CKAP2L: variants seen among roughly 807,000 people sequenced by gnomAD.
CKAP2L encodes cytoskeleton-associated protein 2-like.
A neutral mutation model predicts 65.7 loss-of-function variants in CKAP2L; 42 were observed. The observed-to-expected ratio is 0.64, with a 90% CI of 0.50 to 0.83. The LOEUF is 0.83. Among genes scored for constraint, CKAP2L ranks in the 40% least tolerant of loss-of-function variants. The probability of loss-of-function intolerance (pLI) is 0.00; values close to 1 mark genes in which losing one functional copy is unlikely to be tolerated. For synonymous variants in CKAP2L, 325 were observed against 313.5 expected (o/e 1.04, Z -0.39); for missense variants, 908 against 871.0 (o/e 1.04, Z -0.53).
At chr2:112,741,465 T>C (rs1040138644) in intron 7 of CKAP2L, among the ~76,000 whole-genome samples, 2 of 152,180 alleles carry the variant, frequency 1.3e-5, no homozygotes, top group African/African-American at 4.8e-5. Context: ...AAAAACTGTC[T>C]TGCATTAATA....
chr2:112,757,813 A>G (rs535482776), intron 3 of CKAP2L, among the ~76,000 whole-genome samples: 3 of 152,362 alleles, frequency 2.0e-5, no homozygotes, highest in African/African-American at 7.2e-5. Context: ...AATTTGCCTC[A>G]AACAGTAGTT....
rs727502803 is a variant in CKAP2L, at chr2:112,762,528, C to CAA, written c.78_79insTT (p.Gly27LeufsTer4). On this transcript the variant is annotated frameshift_variant, in exon 2 of 9. Transcript: ENST00000302450. LOFTEE classifies it high-confidence loss of function. Reference sequence around the variant, plus strand: ...TTGGTGTTTTGGCTCTTCAGTTTTCCCTTGGCTGCAAGGTACTCCTGAAGC... The same window carrying CAA: ...TTGGTGTTTTGGCTCTTCAGTTTTCCAACTTGGCTGCAAGGTACTCCTGAAGC... The CAA allele has an allele frequency of 3.5e-5, 56 of 1,613,926 alleles. No homozygotes were observed. The highest frequency in any genetic ancestry group is 5.0e-5 in the Admixed American group (3 of 59,998).
At chr2:112,746,787 T>C (rs2104868739) in intron 5 of CKAP2L, among the ~76,000 whole-genome samples, 1 of 152,258 alleles carries the variant, frequency 6.6e-6, no homozygotes, top group East Asian at 1.9e-4. Flanking sequence ...AGATTAATAA[T>C]AATTATTATT....
chr2:112,740,120 A>G (rs911866031), intron 8 of CKAP2L, among the ~76,000 whole-genome samples: 3 of 152,180 alleles, frequency 2.0e-5, no homozygotes, highest in African/African-American at 4.8e-5. Flanking sequence ...AACTGTTTTC[A>G]TCTACTTATG....
rs1680755769 is a variant in CKAP2L at position 112,762,519 on chromosome 2, T to A, written c.88A>T (p.Lys30Ter). 3 of 1,613,946 alleles carry A rather than the reference T, an allele frequency of 1.9e-6. No individual in the cohort carries two copies. Among genetic ancestry groups the A allele is most frequent in the Non-Finnish European group, 2.5e-6 (3 of 1,179,886 alleles). ...TAAACTCACTTGGTGTTTTGGCTCTTCAGTTTTCCCTTGGCTGCAAGGTAC... is the reference window on the plus strand; with the variant it reads ...TAAACTCACTTGGTGTTTTGGCTCTACAGTTTTCCCTTGGCTGCAAGGTAC... ...QEYLAAKGKL[K>*]SQNTKPYLKS... Residue 30 changes from lysine to a stop codon, truncating the protein, a stop_gained, in exon 2 of 9, where the codon AAG becomes TAG. Coordinates refer to ENST00000302450, the MANE Select transcript of CKAP2L (RefSeq NM_152515.5). LOFTEE classifies it high-confidence loss of function.
chr2:112,736,757 A>G lies in CKAP2L; in HGVS notation c.*2066T>C, dbSNP rs1024922757. 2 of 152,216 alleles carry G rather than the reference A, an allele frequency of 1.3e-5. No individual in the cohort carries two copies. The highest frequency in any genetic ancestry group is 2.1e-4 in the South Asian group (1 of 4,838). The allele number at this position is 152,216 out of a possible 1,614,324, so 9.4% of individuals were successfully genotyped here. Reference sequence around the variant, plus strand: ...CTCCAGGTCCATCTATGTTGTGGCAAATGGCAAGAACTCCCTCTTTTCCAA... The same window carrying G: ...CTCCAGGTCCATCTATGTTGTGGCAGATGGCAAGAACTCCCTCTTTTCCAA... On this transcript the variant is annotated 3_prime_UTR_variant, in exon 9 of 9. Transcript: ENST00000302450.
At chr2:112,746,313 G>T in intron 6 of CKAP2L, 107 bp downstream of exon 6, 1 of 840,654 alleles carries the variant, frequency 1.2e-6, no homozygotes, top group Non-Finnish European at 1.8e-6. Context: ...CTTTATAAGT[G>T]TTGGATATTG....
chr2:112,753,209 C>T (rs1680430911), intron 4 of CKAP2L, among the ~76,000 whole-genome samples: 1 of 152,136 alleles, frequency 6.6e-6, no homozygotes. Flanking sequence ...CCTGGATCCC[C>T]AAACTTTGTA....
intron 3 of CKAP2L, among the ~76,000 whole-genome samples, chr2:112,758,233 G>A (rs1047229872): frequency 6.6e-6 from 1 of 152,186 alleles, no homozygotes; most frequent in Non-Finnish European, 1.5e-5. Context: ...TGAAAACTAG[G>A]GAAGGGAGTT....
At position 112,756,712 on chromosome 2, in the gene CKAP2L, C is replaced by A; in HGVS notation, c.659G>T (p.Ser220Ile). ...KTDSYNQTKN[S>I]LVPKQALGKS... ...GCCCAAGGCTTGTTTAGGAACTAAA[C>A]TGTTCTTGGTTTGATTATAAGAGTC... The change falls in exon 4 of 9, where the codon AGT becomes ATT. Residue 220 changes from serine (S) to isoleucine (I), a missense_variant. By Grantham distance (142) the Ser-to-Ile change is moderately radical. Transcript: ENST00000302450. The A allele has an allele frequency of 6.3e-7, 1 of 1,593,246 alleles. No homozygotes were observed. Among genetic ancestry groups the A allele is most frequent in the South Asian group, 1.1e-5 (1 of 87,084 alleles).
rs1174931423 is a variant in CKAP2L at position 112,752,222 on chromosome 2, T to C, written c.1602+45A>G. ...TATTTAGGAATATGTTTAAAAATTATAAGACTTTGGGCCAAAGCTGGAGGA... is the reference window on the plus strand; with the variant it reads ...TATTTAGGAATATGTTTAAAAATTACAAGACTTTGGGCCAAAGCTGGAGGA... On this transcript the variant is annotated intron_variant, in intron 5 of 8. Coordinates refer to ENST00000302450, the MANE Select transcript of CKAP2L (RefSeq NM_152515.5). 30 of 1,410,112 alleles carry C rather than the reference T, an allele frequency of 2.1e-5. 1 individual carries two copies. Among genetic ancestry groups the C allele is most frequent in the Middle Eastern group, 1.8e-4 (1 of 5,552 alleles). 87.3% of individuals were successfully genotyped at this position (1,410,112 alleles called of 1,614,324 possible). A position where few individuals can be genotyped will look rare whatever the true frequency, so the allele number is the denominator to read the frequency against.
At chr2:112,741,110 A>G (rs1679919939) in intron 7 of CKAP2L, 103 bp from the exon 8 acceptor site, 1 of 771,922 alleles carries the variant, frequency 1.3e-6, no homozygotes, top group African/African-American at 1.7e-5. Context: ...TTTCCCAGTG[A>G]TCTTCATGGG....
intron 6 of CKAP2L, among the ~76,000 whole-genome samples, chr2:112,744,705 T>C (rs1680145787): frequency 6.6e-6 from 1 of 152,124 alleles, no homozygotes; most frequent in African/African-American, 2.4e-5. Context: ...TTGGAACAGA[T>C]TTCTCCAGAT....
chr2:112,755,119 C>T (rs1341778602), intron 4 of CKAP2L, among the ~76,000 whole-genome samples: 1 of 152,198 alleles, frequency 6.6e-6, no homozygotes, highest in Non-Finnish European at 1.5e-5. Context: ...ATGCTCCCTT[C>T]ACTCGTCAGA....
At chr2:112,746,046 T>G (rs184379283) in intron 6 of CKAP2L, among the ~76,000 whole-genome samples, 1 of 152,222 alleles carries the variant, frequency 6.6e-6, no homozygotes, top group Non-Finnish European at 1.5e-5. Context: ...TTAAACTATG[T>G]GCATGTACAA....
chr2:112,743,970 T>C (rs1299997910), intron 6 of CKAP2L, among the ~76,000 whole-genome samples: 3 of 152,236 alleles, frequency 2.0e-5, no homozygotes. Flanking sequence ...CCTGGAACTC[T>C]GTATCAAATA....
rs1679249344 is a variant in CKAP2L, at chr2:112,736,824, T to A, written c.*1999A>T. 6.6e-6 allele frequency: 1 copy of A among 152,262 alleles called. No individual in the cohort carries two copies. Among genetic ancestry groups the A allele is most frequent in the South Asian group, 2.1e-4 (1 of 4,836 alleles). 9.4% of individuals were successfully genotyped at this position (152,262 alleles called of 1,614,324 possible). ...ACGGCATGCATATGCCGTATTTTCTTTATTTGTCCATTGATGGGCATTTAG... is the reference window on the plus strand; with the variant it reads ...ACGGCATGCATATGCCGTATTTTCTATATTTGTCCATTGATGGGCATTTAG... On this transcript the variant is annotated 3_prime_UTR_variant, in exon 9 of 9. Coordinates refer to ENST00000302450, the MANE Select transcript of CKAP2L (RefSeq NM_152515.5).
Position 112,762,501 on chromosome 2 carries a change from A to G in CKAP2L, c.104+2T>C, listed in dbSNP as rs769452103. On this transcript the variant is annotated splice_donor_variant, in intron 2 of 8. Coordinates refer to ENST00000302450, the MANE Select transcript of CKAP2L (RefSeq NM_152515.5). LOFTEE classifies it high-confidence loss of function. Reference sequence around the variant, plus strand: ...TGCGTAACTGTGGACAGATAAACTCACTTGGTGTTTTGGCTCTTCAGTTTT... The same window carrying G: ...TGCGTAACTGTGGACAGATAAACTCGCTTGGTGTTTTGGCTCTTCAGTTTT... 6.2e-7 allele frequency: 1 copy of G among 1,612,684 alleles called. No homozygotes were observed. Among genetic ancestry groups the G allele is most frequent in the Non-Finnish European group, 8.5e-7 (1 of 1,178,640 alleles).
At chr2:112,747,470 A>G (rs1310851162) in intron 5 of CKAP2L, among the ~76,000 whole-genome samples, 2 of 152,226 alleles carry the variant, frequency 1.3e-5, no homozygotes, top group East Asian at 1.9e-4. Context: ...AAAGAATGAC[A>G]CAGGCATGCG....
Sources: allele counts gnomAD v4.1 joint callset (sites outside exome capture counted in the v4.1 genomes callset), GRCh38; gene constraint gnomAD v4.1.1; transcripts MANE v1.5; gene names NCBI Gene and HGNC (gene_info 2026-07-23, HGNC 2026-07-21).